CHST15: variants seen among roughly 807,000 people sequenced by gnomAD.
The protein encoded by CHST15 is B cell RAG associated protein (GALNAC4S-6ST).
CHST15 carries 30 observed loss-of-function variants against 53.6 expected under a neutral mutation model. That is an observed-to-expected ratio of 0.56 (90% CI 0.42 to 0.76). The LOEUF (loss-of-function observed/expected upper bound fraction) is 0.76. CHST15 is among the 30% of genes least tolerant of loss of function. CHST15 has a pLI of 0.00. For missense variants in CHST15, 627 were observed against 740.5 expected (o/e 0.85, Z 1.78); for synonymous variants, 296 against 289.8 (o/e 1.02, Z -0.22).
intron 4 of CHST15, among the ~76,000 whole-genome samples, chr10:124,041,308 C>G (rs1301962650): frequency 6.6e-6 from 1 of 152,080 alleles, no homozygotes; most frequent in East Asian, 1.9e-4. Context: ...AAAAATAGAT[C>G]ACTATCTAAG....
In CHST15 at chr10:124,019,732, C is replaced by G; in HGVS notation, c.1347+1524G>C. On this transcript the variant is annotated intron_variant, in intron 6 of 7. Coordinates refer to ENST00000435907, the MANE Select transcript of CHST15 (RefSeq NM_001270764.2). The surrounding 1 kb of genome is among the most constrained non-coding windows in gnomAD (Gnocchi z 4.6). The stretch of plus-strand genomic sequence containing the variant: ...GAGATATTCCTTTTCCACTCCTACA[C>G]TATCTTCTGCTTAAAACCCTCTGAG... The G allele has an allele frequency of 1.0e-6, 1 of 967,920 alleles. No homozygotes were observed. The highest frequency in any genetic ancestry group is 1.2e-6 in the Non-Finnish European group (1 of 813,944). The allele number at this position is 967,920 out of a possible 1,614,324, so 60.0% of individuals were successfully genotyped here.
chr10:124,072,689 C>T (rs986738936), intron 1 of CHST15, among the ~76,000 whole-genome samples: 2 of 152,196 alleles, frequency 1.3e-5, no homozygotes, highest in Non-Finnish European at 2.9e-5. Flanking sequence ...TGCATGCAGA[C>T]ACCCAAAGCA....
chr10:124,060,597 C>T (rs1034693969), intron 1 of CHST15, among the ~76,000 whole-genome samples: 1 of 149,074 alleles, frequency 6.7e-6, no homozygotes, highest in Non-Finnish European at 1.5e-5. Flanking sequence ...AGGTGTGCTT[C>T]CCCCAGGGGC....
At chr10:124,078,741 A>G (rs1335661417) in intron 1 of CHST15, among the ~76,000 whole-genome samples, 3 of 152,258 alleles carry the variant, frequency 2.0e-5, no homozygotes, top group Non-Finnish European at 4.4e-5. Context: ...ATGAAATTCT[A>G]AAATGCTTCT....
chr10:124,081,471 A>G (rs1273961897), intron 1 of CHST15, among the ~76,000 whole-genome samples: 1 of 152,200 alleles, frequency 6.6e-6, no homozygotes. Flanking sequence ...AAGTATGTGC[A>G]TTTCTTTCAA....
chr10:124,073,688 G>A (rs1564908629), intron 1 of CHST15, among the ~76,000 whole-genome samples: 1 of 152,242 alleles, frequency 6.6e-6, no homozygotes, highest in Non-Finnish European at 1.5e-5. Flanking sequence ...GCATGAATGA[G>A]CCAATGCAGG....
chr10:124,069,572 G>A (rs1340510440), intron 1 of CHST15, among the ~76,000 whole-genome samples: 1 of 152,226 alleles, frequency 6.6e-6, no homozygotes, highest in East Asian at 1.9e-4. Flanking sequence ...AGTGACACGT[G>A]CAGGGCCCGT....
chr10:124,064,131 G>A (rs1324562362), intron 1 of CHST15, among the ~76,000 whole-genome samples: 1 of 151,982 alleles, frequency 6.6e-6, no homozygotes, highest in Non-Finnish European at 1.5e-5. Flanking sequence ...TCATTATGAA[G>A]GCCAGGACTT....
chr10:124,055,394 C>T (rs773964755), intron 1 of CHST15, among the ~76,000 whole-genome samples: 12 of 152,114 alleles, frequency 7.9e-5, no homozygotes, highest in Non-Finnish European at 1.3e-4. Flanking sequence ...CCCTGCCTCT[C>T]GGTAAATGAC....
intron 6 of CHST15, chr10:124,020,982 G>T: frequency 7.1e-7 from 1 of 1,408,396 alleles, no homozygotes; most frequent in Non-Finnish European, 9.2e-7. Flanking sequence ...CTTGCTAAAT[G>T]GTAATCTTCC....
intron 3 of CHST15, among the ~76,000 whole-genome samples, 194 bp from the exon 4 acceptor site, chr10:124,042,641 C>T (rs1947788242): frequency 6.6e-6 from 1 of 152,176 alleles, no homozygotes; most frequent in Admixed American, 6.5e-5. Flanking sequence ...TGGCTACCCA[C>T]TTCAATCCAT....
chr10:124,011,164 G>T, intron 7 of CHST15: 1 of 908,340 alleles, frequency 1.1e-6, no homozygotes. Context: ...CCCGCCCTCT[G>T]GGCCACAGCT....
At chr10:124,076,728 G>A (rs999850971) in intron 1 of CHST15, among the ~76,000 whole-genome samples, 1 of 95,138 alleles carries the variant, frequency 1.1e-5, no homozygotes, top group African/African-American at 4.2e-5. Context: ...TTTTTTTTTT[G>A]AGACGGAGTC....
rs202063263 is a variant in CHST15, at chr10:124,008,359, G to A, written c.*1790C>T. The A allele has an allele frequency of 2.8e-3, 2,824 of 1,023,916 alleles. 45 individuals are homozygous for A. The African/African-American group carries it at 0.039, about 14-fold the overall frequency. 63.4% of individuals were successfully genotyped at this position (1,023,916 alleles called of 1,614,324 possible). On this transcript the variant is annotated 3_prime_UTR_variant, in exon 8 of 8. Coordinates refer to ENST00000435907, the MANE Select transcript of CHST15 (RefSeq NM_001270764.2). Reference sequence around the variant, plus strand: ...CACGTGCGCGTACACACACACACACGCGCGCACTGTACTGCAAATAAATAT... The same window carrying A: ...CACGTGCGCGTACACACACACACACACGCGCACTGTACTGCAAATAAATAT...
chr10:124,041,781 G>A (rs1475141344), intron 4 of CHST15, among the ~76,000 whole-genome samples: 1 of 152,154 alleles, frequency 6.6e-6, no homozygotes, highest in Non-Finnish European at 1.5e-5. Context: ...ATGCCCAAAG[G>A]CATGAGGTTG....
At chr10:124,012,003 G>A (rs1294939509) in intron 7 of CHST15, among the ~76,000 whole-genome samples, 1 of 152,104 alleles carries the variant, frequency 6.6e-6, no homozygotes, top group Non-Finnish European at 1.5e-5. Context: ...TACCTTACAT[G>A]ACAGTGCTGA....
At chr10:124,075,425 G>A (rs1044051378) in intron 1 of CHST15, among the ~76,000 whole-genome samples, 1 of 152,082 alleles carries the variant, frequency 6.6e-6, no homozygotes, top group African/African-American at 2.4e-5. Context: ...CAGGCCCATC[G>A]ACTTGTGACA....
At chr10:124,080,693 A>T (rs59802384) in intron 1 of CHST15, among the ~76,000 whole-genome samples, 3,859 of 152,254 alleles carry the variant, frequency 0.025, 144 homozygotes, top group African/African-American at 0.088. Context: ...GTTCTTCTTG[A>T]TCAAAGCTGA....
chr10:124,088,952 A>G lies in CHST15; in HGVS notation c.-513+4517T>C, dbSNP rs1374533546. Among the ~76,000 whole-genome samples, 3 of 152,172 alleles carry G rather than the reference A, an allele frequency of 2.0e-5. No individual in the cohort carries two copies. In the East Asian group the frequency reaches 5.8e-4, roughly 29 times the overall value. On this transcript the variant is annotated intron_variant, in intron 1 of 7. Coordinates refer to ENST00000435907, the MANE Select transcript of CHST15 (RefSeq NM_001270764.2). ...GGAGACACAGGTCTACACATAAATCATTTTGTCCCAGTGCTTTATTTGAAA... is the reference window on the plus strand; with the variant it reads ...GGAGACACAGGTCTACACATAAATCGTTTTGTCCCAGTGCTTTATTTGAAA...
Sources: gnomAD v4.1 joint callset for allele counts (sites outside exome capture counted in the v4.1 genomes callset) on GRCh38, gnomAD v4.1.1 for gene constraint, Gnocchi (gnomAD v3.1) non-coding constraint, MANE v1.5 for transcripts, NCBI Gene and HGNC (gene_info 2026-07-23, HGNC 2026-07-21) for gene names.